STXBP5L: variants seen among roughly 807,000 people sequenced by gnomAD.
The protein encoded by STXBP5L is syntaxin binding protein 5L.
In STXBP5L, 65 loss-of-function variants were observed where a neutral mutation model predicts 144.5. The ratio of observed to expected loss-of-function variants is 0.45; its 90% CI spans 0.37 to 0.55. The LOEUF (loss-of-function observed/expected upper bound fraction) is 0.55, where lower values mean the gene tolerates loss of function less well. STXBP5L is among the 20% of genes least tolerant of loss of function. The pLI is 0.00. For missense variants in STXBP5L, 1,298 were observed against 1,405.5 expected, an observed-to-expected ratio of 0.92 and a Z score of 1.22; for synonymous variants, 505 against 469.6, an observed-to-expected ratio of 1.08 and a Z score of -0.97.
At chr3:121,294,553 T>A (rs1236694915) in intron 19 of STXBP5L, among the ~76,000 whole-genome samples, 1 of 151,796 alleles carries the variant, frequency 6.6e-6, no homozygotes, top group Non-Finnish European at 1.5e-5. Context: ...AGGTGGTATA[T>A]AATGGCATGG....
Position 121,145,827 on chromosome 3 carries a change from G to C in STXBP5L, c.670-6650G>C, listed in dbSNP as rs529492030. On this transcript the variant is annotated intron_variant, in intron 7 of 26. Coordinates refer to ENST00000471454, the MANE Select transcript of STXBP5L (RefSeq NM_001308330.2). ...GTTGGTAAAACATTATTTTTAGTATGTCTGTGAAAGTGTTTCCAGAATAAA... is the reference window on the plus strand; with the variant it reads ...GTTGGTAAAACATTATTTTTAGTATCTCTGTGAAAGTGTTTCCAGAATAAA... Among the ~76,000 whole-genome samples, 6 of 152,130 alleles carry C rather than the reference G, an allele frequency of 3.9e-5. 1 individual carries two copies. The South Asian group carries it at 1.2e-3, about 31-fold the overall frequency.
intron 20 of STXBP5L, among the ~76,000 whole-genome samples, chr3:121,331,312 C>G (rs752330993): frequency 3.9e-5 from 6 of 152,158 alleles, no homozygotes; most frequent in Non-Finnish European, 8.8e-5. Context: ...AACTTCTCCC[C>G]CTTGCTCGCC....
intron 23 of STXBP5L, among the ~76,000 whole-genome samples, chr3:121,412,919 A>C (rs1394845759): frequency 6.6e-6 from 1 of 152,042 alleles, no homozygotes; most frequent in African/African-American, 2.4e-5. Context: ...CTGTAGTTCC[A>C]GCTACTCAGG....
chr3:121,117,832 A>G (rs370822441), intron 6 of STXBP5L, among the ~76,000 whole-genome samples: 18 of 151,782 alleles, frequency 1.2e-4, no homozygotes, highest in Non-Finnish European at 2.2e-4. Context: ...GTTATTTGGA[A>G]CCTGGGACAA....
intron 20 of STXBP5L, among the ~76,000 whole-genome samples, chr3:121,328,954 T>C (rs1445806126): frequency 6.6e-6 from 1 of 151,970 alleles, no homozygotes; most frequent in Non-Finnish European, 1.5e-5. Context: ...TGAAAAATTT[T>C]AATTACTTAA....
At chr3:121,332,775 T>A (rs1448911882) in intron 20 of STXBP5L, among the ~76,000 whole-genome samples, 3 of 151,972 alleles carry the variant, frequency 2.0e-5, no homozygotes, top group African/African-American at 7.2e-5. Flanking sequence ...AAAGAACTCC[T>A]GGGAGATCCA....
chr3:121,035,834 A>T (rs1946709965), intron 3 of STXBP5L, among the ~76,000 whole-genome samples: 1 of 152,184 alleles, frequency 6.6e-6, no homozygotes, highest in Non-Finnish European at 1.5e-5. Context: ...ATTTAGGGAA[A>T]GTTGCCATCT....
At chr3:120,950,676 C>T (rs1243235205) in intron 2 of STXBP5L, among the ~76,000 whole-genome samples, 1 of 152,126 alleles carries the variant, frequency 6.6e-6, no homozygotes, top group African/African-American at 2.4e-5. Context: ...AATGGAAGAA[C>T]ATTCCATGCT....
intron 8 of STXBP5L, among the ~76,000 whole-genome samples, chr3:121,153,223 T>G (rs1156697304): frequency 2.0e-5 from 3 of 152,030 alleles, no homozygotes; most frequent in Non-Finnish European, 4.4e-5. Context: ...ACACTTCAGT[T>G]GTTCAAATAT....
At chr3:120,969,270 T>A (rs1939961077) in intron 3 of STXBP5L, among the ~76,000 whole-genome samples, 1 of 152,160 alleles carries the variant, frequency 6.6e-6, no homozygotes, top group African/African-American at 2.4e-5. Context: ...ATCATGGTTT[T>A]AATTTGCATT....
At chr3:121,298,743 G>A (rs1474275464) in intron 19 of STXBP5L, among the ~76,000 whole-genome samples, 1 of 152,142 alleles carries the variant, frequency 6.6e-6, no homozygotes, top group Admixed American at 6.5e-5. Flanking sequence ...AATAATGATT[G>A]CCAGGATCTG....
intron 9 of STXBP5L, among the ~76,000 whole-genome samples, chr3:121,181,006 C>G (rs1468674998): frequency 2.0e-5 from 3 of 151,874 alleles, no homozygotes; most frequent in African/African-American, 7.3e-5. Flanking sequence ...AGAAAGGAAA[C>G]AGTACCTCAC....
At chr3:120,937,043 A>G (rs1710301844) in intron 2 of STXBP5L, among the ~76,000 whole-genome samples, 1 of 152,084 alleles carries the variant, frequency 6.6e-6, no homozygotes, top group Admixed American at 6.6e-5. Context: ...CAGGAAGGCT[A>G]GAGTTGGTAT....
intron 18 of STXBP5L, among the ~76,000 whole-genome samples, chr3:121,274,790 G>A (rs2050831959): frequency 1.3e-5 from 2 of 152,180 alleles, no homozygotes; most frequent in Non-Finnish European, 2.9e-5. Flanking sequence ...CTTGGTCCCA[G>A]GGGTGATGAG....
At chr3:120,914,650 G>A (rs1444592948) in intron 2 of STXBP5L, among the ~76,000 whole-genome samples, 1 of 152,152 alleles carries the variant, frequency 6.6e-6, no homozygotes, top group Non-Finnish European at 1.5e-5. Flanking sequence ...TTGCAACTGA[G>A]ATTGGGAAAA....
At position 121,193,257 on chromosome 3, in the gene STXBP5L, C is replaced by G. The variant is rs1416680425; in HGVS notation, c.878-12666C>G. Among the ~76,000 whole-genome samples the G allele has an allele frequency of 1.4e-5, 2 of 143,096 alleles. 1 individual carries two copies. The highest frequency in any genetic ancestry group is 5.2e-5 in the African/African-American group (2 of 38,778). The allele number at this position is 143,096 out of a possible 152,430, so 93.9% of individuals were successfully genotyped here. A position where few individuals can be genotyped will look rare whatever the true frequency, so the allele number is the denominator to read the frequency against. On this transcript the variant is annotated intron_variant, in intron 9 of 26. Transcript: ENST00000471454. ...CACTGGCCGTCAGAGAAATGCAAAT[C>G]AAAACCACAGTGAGATATCGTCTCA...
At position 121,407,300 on chromosome 3, in the gene STXBP5L, G is replaced by A. The variant is rs375516751; in HGVS notation, c.2645G>A (p.Gly882Asp). 1 of 1,611,004 alleles carries A rather than the reference G, an allele frequency of 6.2e-7. No individual in the cohort carries two copies. The highest frequency in any genetic ancestry group is 8.5e-7 in the Non-Finnish European group (1 of 1,178,518). ...VLTFSCMDRM[G>D]GLMQPPYEVW... ...ACATTCTCCTGTATGGACCGAATGGGTGGATTAATGCAACCGCCATATGAA... is the reference window on the plus strand; with the variant it reads ...ACATTCTCCTGTATGGACCGAATGGATGGATTAATGCAACCGCCATATGAA... The change falls in exon 23 of 27, where the codon GGT becomes GAT. Residue 882 changes from glycine (G) to aspartate (D), a missense_variant. Physicochemically the swap from Gly to Asp is moderately conservative, Grantham distance 94. Transcript: ENST00000471454.
chr3:121,343,824 C>G (rs1410025789), intron 20 of STXBP5L, among the ~76,000 whole-genome samples: 2 of 151,988 alleles, frequency 1.3e-5, no homozygotes, highest in Non-Finnish European at 2.9e-5. Context: ...CCGTACTGCC[C>G]AAGGTAATTT....
Position 121,041,781 on chromosome 3 carries a change from G to A in STXBP5L, c.369G>A (p.Glu123=). The A allele has an allele frequency of 6.2e-7, 1 of 1,610,262 alleles. No homozygotes were observed. The highest frequency in any genetic ancestry group is 2.2e-5 in the East Asian group (1 of 44,698). ...AVLQLQFLIN[E]GALVSASSDD... The stretch of plus-strand genomic sequence containing the variant: ...TACAGCTCCAATTTTTGATCAATGA[G>A]GTAAGGATTATTTTTTGACTACTTA... The change falls in exon 4 of 27, where the codon GAG becomes GAA. Residue 123 remains glutamate (E), a splice_region_variant and synonymous_variant. Coordinates refer to ENST00000471454, the MANE Select transcript of STXBP5L (RefSeq NM_001308330.2).
Sources: allele counts gnomAD v4.1 joint callset (sites outside exome capture counted in the v4.1 genomes callset), GRCh38; gene constraint gnomAD v4.1.1; transcripts MANE v1.5; gene names NCBI Gene and HGNC (gene_info 2026-07-23, HGNC 2026-07-21).